Variants in ST6GALNAC3 observed in about 807,000 individuals in gnomAD.
ST6GALNAC3 encodes alpha-N-acetylgalactosaminide alpha-2,6-sialyltransferase 3.
In ST6GALNAC3, 25 loss-of-function variants were observed where a neutral mutation model predicts 32.7. That is an observed-to-expected ratio of 0.76 (90% CI 0.56 to 1.07). The LOEUF is 1.07. Ranked by LOEUF, ST6GALNAC3 falls within the 50% of genes least tolerant of loss-of-function variation. The probability of loss-of-function intolerance (pLI) is 0.00; values close to 1 mark genes in which losing one functional copy is unlikely to be tolerated. For missense variants in ST6GALNAC3, 355 were observed against 382.4 expected, an observed-to-expected ratio of 0.93 and a Z score of 0.60; for synonymous variants, 129 against 133.1, an observed-to-expected ratio of 0.97 and a Z score of 0.21.
intron 3 of ST6GALNAC3, among the ~76,000 whole-genome samples, chr1:76,626,331 C>T (rs560072610): frequency 4.7e-4 from 71 of 151,970 alleles, no homozygotes; most frequent in African/African-American, 1.6e-3. Flanking sequence ...GGTGTTGCTA[C>T]ACAGCTATCA....
intron 1 of ST6GALNAC3, among the ~76,000 whole-genome samples, chr1:76,123,224 T>C (rs1649002294): frequency 6.6e-6 from 1 of 151,842 alleles, no homozygotes; most frequent in African/African-American, 2.4e-5. Context: ...ATACAAAAAT[T>C]AGCTGGGCAT....
At chr1:76,100,407 G>A (rs1647199011) in intron 1 of ST6GALNAC3, among the ~76,000 whole-genome samples, 2 of 152,048 alleles carry the variant, frequency 1.3e-5, no homozygotes, top group African/African-American at 4.8e-5. Context: ...ATTAATGGAT[G>A]TTGAATTTTA....
chr1:76,346,231 C>T (rs1189384769), intron 2 of ST6GALNAC3, among the ~76,000 whole-genome samples: 2 of 152,098 alleles, frequency 1.3e-5, no homozygotes, highest in Non-Finnish European at 2.9e-5. Flanking sequence ...TTTTTCCTTC[C>T]GTAGTAGAGG....
At chr1:76,447,726 A>C (rs1035444981) in intron 3 of ST6GALNAC3, among the ~76,000 whole-genome samples, 1 of 152,130 alleles carries the variant, frequency 6.6e-6, no homozygotes, top group Non-Finnish European at 1.5e-5. Flanking sequence ...TGCTTCAGAG[A>C]GTGGAAGCCG....
chr1:76,378,667 C>A (rs965910992), intron 2 of ST6GALNAC3, among the ~76,000 whole-genome samples: 10 of 101,990 alleles, frequency 9.8e-5, no homozygotes, highest in East Asian at 5.1e-4. Context: ...CTTCCCCCCC[C>A]CAAAAAAAAA....
chr1:76,319,295 C>T (rs918193233), intron 2 of ST6GALNAC3, among the ~76,000 whole-genome samples: 3 of 152,070 alleles, frequency 2.0e-5, no homozygotes, highest in African/African-American at 7.2e-5. Context: ...GGGCTGCATA[C>T]TGACTTACTC....
chr1:76,547,855 C>A (rs315062), intron 3 of ST6GALNAC3, among the ~76,000 whole-genome samples: 121,757 of 145,910 alleles, frequency 0.83, 51,777 homozygotes, highest in East Asian at 0.99. Context: ...ATGCGAGATT[C>A]TGTCTCAAAA....
intron 1 of ST6GALNAC3, among the ~76,000 whole-genome samples, chr1:76,228,326 A>T (rs1350068327): frequency 6.6e-6 from 1 of 152,160 alleles, no homozygotes; most frequent in Non-Finnish European, 1.5e-5. Flanking sequence ...TCTCTCACAC[A>T]CTTATTCATA....
At chr1:76,541,852 G>A (rs1664012105) in intron 3 of ST6GALNAC3, among the ~76,000 whole-genome samples, 1 of 152,174 alleles carries the variant, frequency 6.6e-6, no homozygotes, top group Admixed American at 6.5e-5. Flanking sequence ...GGCACGTGCT[G>A]CTGCTTCTGA....
chr1:76,534,165 C>T (rs1194173836), intron 3 of ST6GALNAC3, among the ~76,000 whole-genome samples: 1 of 152,120 alleles, frequency 6.6e-6, no homozygotes, highest in African/African-American at 2.4e-5. Context: ...GCCTCAGCCT[C>T]CTGAGTAGCT....
At chr1:76,111,760 G>A (rs1426266552) in intron 1 of ST6GALNAC3, among the ~76,000 whole-genome samples, 1 of 150,204 alleles carries the variant, frequency 6.7e-6, no homozygotes, top group Admixed American at 6.6e-5. Context: ...TGGGGGTAAG[G>A]TCACAGATCA....
intron 1 of ST6GALNAC3, among the ~76,000 whole-genome samples, chr1:76,309,755 C>CT (rs1422083029): frequency 2.0e-5 from 3 of 152,112 alleles, no homozygotes; most frequent in African/African-American, 7.2e-5. Context: ...GAAGGAACCT[C>CT]TGTCCACTGC....
intron 1 of ST6GALNAC3, among the ~76,000 whole-genome samples, chr1:76,221,330 G>A (rs947564007): frequency 1.3e-5 from 2 of 152,124 alleles, no homozygotes; most frequent in Admixed American, 1.3e-4. Flanking sequence ...GCTTGGGAAG[G>A]GTCCACAGGG....
intron 3 of ST6GALNAC3, among the ~76,000 whole-genome samples, chr1:76,568,128 C>T (rs1357431392): frequency 6.6e-6 from 1 of 152,194 alleles, no homozygotes; most frequent in Non-Finnish European, 1.5e-5. Context: ...GGGCATTAGC[C>T]AGTTCCTTGT....
At chr1:76,278,721 T>C (rs1659326783) in intron 1 of ST6GALNAC3, among the ~76,000 whole-genome samples, 1 of 152,150 alleles carries the variant, frequency 6.6e-6, no homozygotes, top group South Asian at 2.1e-4. Context: ...TACATAATCT[T>C]ATTTAATCCT....
rs1027770102 is a variant in ST6GALNAC3 at position 76,486,865 on chromosome 1, G to A, written c.623+74448G>A. Among the ~76,000 whole-genome samples, 6 of 152,230 alleles carry A rather than the reference G, an allele frequency of 3.9e-5. No individual in the cohort carries two copies. The South Asian group carries it at 8.3e-4, about 21-fold the overall frequency. ...GCATGTTTCTGCAGTGGCTCGTACC[G>A]GTTGTTCCTTTCCATGTTTAGTGCT... is the stretch of plus-strand genomic sequence containing the variant. On this transcript the variant is annotated intron_variant, in intron 3 of 4. Coordinates refer to ENST00000328299, the MANE Select transcript of ST6GALNAC3 (RefSeq NM_152996.4).
At chr1:76,158,319 G>T (rs1651592669) in intron 1 of ST6GALNAC3, among the ~76,000 whole-genome samples, 1 of 151,976 alleles carries the variant, frequency 6.6e-6, no homozygotes. Context: ...TCTGTGCAAT[G>T]CAGTTCTACA....
At chr1:76,283,765 A>G (rs1334224971) in intron 1 of ST6GALNAC3, among the ~76,000 whole-genome samples, 1 of 152,236 alleles carries the variant, frequency 6.6e-6, no homozygotes, top group Admixed American at 6.5e-5. Context: ...AAATACAGGC[A>G]TCAACTTTAG....
Position 76,629,130 on chromosome 1 carries a change from T to C in ST6GALNAC3, c.*324T>C. On this transcript the variant is annotated 3_prime_UTR_variant, in exon 5 of 5. Transcript: ENST00000328299. ...AAGATTATCTTTCAAGATAGCTGCC[T>C]AGAATTGTTCAACAGTGAGTAACTT... 1.8e-6 allele frequency: 2 copies of C among 1,082,770 alleles called. No homozygotes were observed. Among genetic ancestry groups the C allele is most frequent in the East Asian group, 1.7e-4 (2 of 11,776 alleles). The allele number at this position is 1,082,770 out of a possible 1,614,324, so 67.1% of individuals were successfully genotyped here. A position where few individuals can be genotyped will look rare whatever the true frequency, so the allele number is the denominator to read the frequency against.
Sources: allele counts gnomAD v4.1 joint callset (sites outside exome capture counted in the v4.1 genomes callset), GRCh38; gene constraint gnomAD v4.1.1; transcripts MANE v1.5; gene names NCBI Gene and HGNC (gene_info 2026-07-23, HGNC 2026-07-21).